Variants in CFAP210 observed in about 807,000 individuals in gnomAD.
CFAP210 encodes cilia- and flagella- associated protein 210.
the CFAP210 span, among the ~76,000 whole-genome samples, chr2:169,677,560 G>T: frequency 6.6e-6 from 1 of 152,134 alleles, no homozygotes; most frequent in African/African-American, 2.4e-5. Flanking sequence ...GATATAGAAG[G>T]CAACTTCAAC....
the CFAP210 span, among the ~76,000 whole-genome samples, chr2:169,682,899 T>C: frequency 1.3e-5 from 2 of 152,164 alleles, no homozygotes; most frequent in African/African-American, 4.8e-5. Flanking sequence ...GTATCTACTG[T>C]ACGTAAAGAA....
chr2:169,667,447 C>G, the CFAP210 span, among the ~76,000 whole-genome samples: 2 of 152,118 alleles, frequency 1.3e-5, no homozygotes, highest in Non-Finnish European at 2.9e-5. Context: ...CCCAAATGTT[C>G]TTAATGGCAA....
the CFAP210 span, among the ~76,000 whole-genome samples, chr2:169,651,226 GA>G: frequency 0.13 from 13,375 of 101,948 alleles, 956 homozygotes; most frequent in South Asian, 0.29. Context: ...GACTCTGTCT[GA>G]AAAAAAAAAA....
At chr2:169,654,011 A>G in the CFAP210 span, 1 of 1,451,898 alleles carries the variant, frequency 6.9e-7, no homozygotes. Flanking sequence ...GACTACTGTC[A>G]TAATAATCAT....
chr2:169,662,797 A>G, the CFAP210 span, among the ~76,000 whole-genome samples: 1 of 152,250 alleles, frequency 6.6e-6, no homozygotes, highest in Non-Finnish European at 1.5e-5. Context: ...ATGATGCTAC[A>G]TAAGCCATGG....
At chr2:169,659,583 T>C in the CFAP210 span, among the ~76,000 whole-genome samples, 1 of 152,190 alleles carries the variant, frequency 6.6e-6, no homozygotes, top group Non-Finnish European at 1.5e-5. Context: ...CCACCCCCGA[T>C]GATCTAATCA....
chr2:169,654,209 A>T, the CFAP210 span: 2 of 1,575,814 alleles, frequency 1.3e-6, no homozygotes, highest in Non-Finnish European at 1.7e-6. Context: ...TATCCTGCAT[A>T]TGTTCCTTGG....
chr2:169,686,170 T>A, the CFAP210 span, among the ~76,000 whole-genome samples: 1 of 152,180 alleles, frequency 6.6e-6, no homozygotes, highest in Non-Finnish European at 1.5e-5. Flanking sequence ...TAGGTGCACA[T>A]TCCCATGTCC....
chr2:169,652,328 GA>G, the CFAP210 span, among the ~76,000 whole-genome samples: 4 of 152,330 alleles, frequency 2.6e-5, no homozygotes, highest in East Asian at 7.7e-4. Context: ...AGCCTTCAGA[GA>G]AAAGGTGACA....
chr2:169,653,045 T>A, the CFAP210 span, among the ~76,000 whole-genome samples: 94 of 73,832 alleles, frequency 1.3e-3, no homozygotes, highest in East Asian at 1.9e-3. Flanking sequence ...TATATATATA[T>A]ATATATATAT....
At chr2:169,667,928 C>G in the CFAP210 span, among the ~76,000 whole-genome samples, 1 of 152,056 alleles carries the variant, frequency 6.6e-6, no homozygotes, top group African/African-American at 2.4e-5. Context: ...TTAAAGTCAC[C>G]AGCTACATTA....
chr2:169,649,309 A>C, the CFAP210 span: 12 of 1,612,220 alleles, frequency 7.4e-6, no homozygotes, highest in African/African-American at 1.3e-4. Flanking sequence ...TTTAGCCTCT[A>C]TTTTTCTTTG....
At chr2:169,678,383 A>C in the CFAP210 span, among the ~76,000 whole-genome samples, 3 of 151,226 alleles carry the variant, frequency 2.0e-5, no homozygotes, top group African/African-American at 7.3e-5. Flanking sequence ...AAAGAAATTA[A>C]GCCTTAAACA....
the CFAP210 span, among the ~76,000 whole-genome samples, chr2:169,683,278 T>C: frequency 6.6e-6 from 1 of 152,172 alleles, no homozygotes; most frequent in African/African-American, 2.4e-5. Context: ...TAGTTGCAAA[T>C]GACTAATCTA....
At chr2:169,662,169 G>T in the CFAP210 span, 2 of 1,147,162 alleles carry the variant, frequency 1.7e-6, no homozygotes, top group Non-Finnish European at 2.5e-6. Context: ...GTATGCATGG[G>T]TCAAAATACC....
chr2:169,671,703 CA>C, the CFAP210 span, among the ~76,000 whole-genome samples: 1 of 152,204 alleles, frequency 6.6e-6, no homozygotes, highest in Non-Finnish European at 1.5e-5. Context: ...CTCCTGACCT[CA>C]AGTGATCCAC....
chr2:169,652,668 T>G, the CFAP210 span, among the ~76,000 whole-genome samples: 5 of 152,088 alleles, frequency 3.3e-5, no homozygotes, highest in Non-Finnish European at 7.4e-5. Flanking sequence ...CTTTCATGAT[T>G]GCTGGAGGAG....
chr2:169,662,464 G>A, the CFAP210 span: 1 of 1,526,618 alleles, frequency 6.6e-7, no homozygotes, highest in Middle Eastern at 2.3e-4. Flanking sequence ...TTATAATTGA[G>A]AACAAAGCAG....
chr2:169,690,703 C>G, the CFAP210 span, among the ~76,000 whole-genome samples: 2 of 149,486 alleles, frequency 1.3e-5, no homozygotes, highest in African/African-American at 4.9e-5. Flanking sequence ...CTTTTTCTTT[C>G]AGTAATTTGA....
Sources: gnomAD v4.1 joint callset for allele counts (sites outside exome capture counted in the v4.1 genomes callset) on GRCh38, gnomAD v4.1.1 for gene constraint, MANE v1.5 for transcripts, NCBI Gene and HGNC (gene_info 2026-07-23, HGNC 2026-07-21) for gene names.